Variants in EPM2A observed in about 807,000 individuals in gnomAD.
EPM2A encodes EPM2A glucan phosphatase, laforin.
EPM2A carries 21 observed loss-of-function variants against 26.5 expected under a neutral mutation model. The observed-to-expected ratio is 0.79, with a 90% CI of 0.56 to 1.14. The LOEUF is 1.14. Ranked by LOEUF, EPM2A falls within the 50% of genes most tolerant of loss-of-function variation. The probability of loss-of-function intolerance (pLI) is 0.00; values close to 1 mark genes in which losing one functional copy is unlikely to be tolerated. For missense variants in EPM2A, 458 were observed against 440.8 expected (o/e 1.04, Z -0.35); for synonymous variants, 217 against 177.6 (o/e 1.22, Z -1.76).
At position 145,509,340 on chromosome 6, in the gene EPM2A, A is replaced by C. The variant is rs1780021592; in HGVS notation, c.341-6765T>G. ...AAGAAAATCTTAAAGACAGATAAAG[A>C]AAATGGCCATATTATCCTTAAAGGG... On this transcript the variant is annotated intron_variant, in intron 2 of 3. Coordinates refer to the EPM2A transcript ENST00000450221. Among the ~76,000 whole-genome samples the C allele has an allele frequency of 2.0e-5, 3 of 152,202 alleles. No individual in the cohort carries two copies. In the South Asian group the frequency reaches 6.2e-4, roughly 31 times the overall value.
At chr6:145,491,673 A>G (rs369458) in intron 4 of EPM2A, 192,920 of 410,084 alleles carry the variant, frequency 0.47, 46,198 homozygotes, top group South Asian at 0.58. Context: ...GCTGTCCCAG[A>G]CTTGAGTGTG....
At chr6:145,641,090 G>A (rs986264372) in intron 2 of EPM2A, 4 of 152,108 alleles carry the variant, frequency 2.6e-5, no homozygotes, top group African/African-American at 9.7e-5. Context: ...CCATATGAAA[G>A]CAAATAATTT....
At chr6:145,497,093 A>G (rs1779831511), downstream of EPM2A, among the ~76,000 whole-genome samples, 1 of 151,982 alleles carries the variant, frequency 6.6e-6, no homozygotes, top group Non-Finnish European at 1.5e-5. Flanking sequence ...CTGGTTCTGA[A>G]CCCTTGCTGA....
chr6:145,490,348 C>T, intron 4 of EPM2A: 1 of 1,349,368 alleles, frequency 7.4e-7, no homozygotes, highest in Non-Finnish European at 1.0e-6. Context: ...TATAGAGCTT[C>T]TTTCTTCCTT....
rs1005155770 is a variant in EPM2A, at chr6:145,449,725, A to T, written c.555+52797T>A. Among the ~76,000 whole-genome samples, 18 of 152,194 alleles carry T rather than the reference A, an allele frequency of 1.2e-4. 1 individual carries two copies. The highest frequency in any genetic ancestry group is 3.6e-4 in the African/African-American group (15 of 41,460). On this transcript the variant is annotated intron_variant, in intron 4 of 4. Coordinates refer to the EPM2A transcript ENST00000638717. ...GCTACTTATTTAATAGTATTTTTCTAAATTTCAGATTTTCAATGGACTCTT... is the reference window on the plus strand; with the variant it reads ...GCTACTTATTTAATAGTATTTTTCTTAATTTCAGATTTTCAATGGACTCTT...
intron 2 of EPM2A, among the ~76,000 whole-genome samples, chr6:145,561,724 G>A (rs1004146941): frequency 6.6e-6 from 1 of 152,138 alleles, no homozygotes; most frequent in East Asian, 1.9e-4. Context: ...AATTGTGAGG[G>A]CAGTGATAAT....
intron 2 of EPM2A, among the ~76,000 whole-genome samples, chr6:145,585,824 C>T (rs1160242625): frequency 6.6e-6 from 1 of 152,150 alleles, no homozygotes; most frequent in Admixed American, 6.5e-5. Context: ...AATATATTAA[C>T]CAAAATTGCA....
At chr6:145,587,675 T>C (rs1476420228) in intron 2 of EPM2A, among the ~76,000 whole-genome samples, 1 of 152,208 alleles carries the variant, frequency 6.6e-6, no homozygotes, top group Non-Finnish European at 1.5e-5. Context: ...TTGCAATGTA[T>C]CACACAAATT....
At chr6:145,498,846 A>G (rs1191687863), downstream of EPM2A, among the ~76,000 whole-genome samples, 1 of 151,784 alleles carries the variant, frequency 6.6e-6, no homozygotes, top group Admixed American at 6.6e-5. Flanking sequence ...TTCTTTATCC[A>G]CTCATTCACT....
At chr6:145,518,629 A>AGG (rs929251963) in intron 2 of EPM2A, among the ~76,000 whole-genome samples, 5 of 146,944 alleles carry the variant, frequency 3.4e-5, no homozygotes, top group Middle Eastern at 3.5e-3. Flanking sequence ...AAAAACAAAG[A>AGG]GGTTTTGACA....
chr6:145,502,481 T>C (rs1449060379), intron 3 of EPM2A: 2 of 468,302 alleles, frequency 4.3e-6, no homozygotes, highest in Non-Finnish European at 8.8e-6. Context: ...GACAGCCAGC[T>C]GAGGAAGCTG....
chr6:145,717,265 C>T (rs907914734), intron 1 of EPM2A, among the ~76,000 whole-genome samples: 3 of 152,180 alleles, frequency 2.0e-5, no homozygotes, highest in Non-Finnish European at 4.4e-5. Flanking sequence ...AAAGCTTATC[C>T]ACCATGATCA....
At position 145,675,043 on chromosome 6, in the gene EPM2A, G is replaced by A. The variant is rs140398025; in HGVS notation, c.476+11079C>T. Among the ~76,000 whole-genome samples, 257 of 152,174 alleles carry A rather than the reference G, an allele frequency of 1.7e-3. 2 individuals are homozygous for A. The highest frequency in any genetic ancestry group is 6.0e-3 in the African/African-American group (248 of 41,520). ...TTAAGGGCAGCCAGAGAGAAAGGTCGGGTTACCCACAAAAGGAAACCCATC... is the reference window on the plus strand; with the variant it reads ...TTAAGGGCAGCCAGAGAGAAAGGTCAGGTTACCCACAAAAGGAAACCCATC... On this transcript the variant is annotated intron_variant, in intron 2 of 3. Coordinates refer to ENST00000367519, the MANE Select transcript of EPM2A (RefSeq NM_005670.4).
intron 4 of EPM2A, among the ~76,000 whole-genome samples, chr6:145,392,371 C>A (rs1357290664): frequency 2.6e-5 from 4 of 152,116 alleles, no homozygotes; most frequent in Non-Finnish European, 4.4e-5. Flanking sequence ...TTGAGAGCTA[C>A]CTTGAGTTAG....
chr6:145,466,509 A>T (rs1285808429), intron 4 of EPM2A, among the ~76,000 whole-genome samples: 1 of 152,030 alleles, frequency 6.6e-6, no homozygotes, highest in Non-Finnish European at 1.5e-5. Context: ...GCTGGAGAGG[A>T]TGTGGAGAAA....
rs375463552 is a variant in EPM2A at position 145,492,299 on chromosome 6, G to T, written c.555+10223C>A. Among the ~76,000 whole-genome samples the T allele has an allele frequency of 3.9e-4, 59 of 152,256 alleles. No individual in the cohort carries two copies. The South Asian group carries it at 6.8e-3, about 18-fold the overall frequency. On this transcript the variant is annotated intron_variant, in intron 4 of 4. Transcript: ENST00000638717. ...GCAGGTGAGCAGGTGCAGGAGCTGG[G>T]GTGAGTGCTTTTGGGTGCCGGCAGG...
At chr6:145,601,055 C>T (rs1283244662) in intron 2 of EPM2A, among the ~76,000 whole-genome samples, 2 of 152,204 alleles carry the variant, frequency 1.3e-5, no homozygotes, top group Admixed American at 1.3e-4. Flanking sequence ...GCCCTAGAGG[C>T]AGGGCTGCTA....
chr6:145,466,668 A>G (rs1156746202), intron 4 of EPM2A, among the ~76,000 whole-genome samples: 1 of 152,170 alleles, frequency 6.6e-6, no homozygotes, highest in Non-Finnish European at 1.5e-5. Flanking sequence ...ACTATAAATC[A>G]TGCTGCTATA....
chr6:145,584,741 G>A (rs1361782384), intron 2 of EPM2A, among the ~76,000 whole-genome samples: 2 of 152,070 alleles, frequency 1.3e-5, no homozygotes, highest in African/African-American at 4.8e-5. Context: ...CTGGTGTTCA[G>A]TAGCCCCACA....
Sources: allele counts gnomAD v4.1 joint callset (sites outside exome capture counted in the v4.1 genomes callset), GRCh38; gene constraint gnomAD v4.1.1; transcripts MANE v1.5; gene names NCBI Gene and HGNC (gene_info 2026-07-23, HGNC 2026-07-21).